PCDHGB3: variants seen among roughly 807,000 people sequenced by gnomAD.
PCDHGB3 encodes the protein protocadherin gamma-B3.
PCDHGB3 carries 40 observed loss-of-function variants against 59.2 expected under a neutral mutation model. That is an observed-to-expected ratio of 0.68 (90% confidence interval 0.52 to 0.88). The LOEUF (loss-of-function observed/expected upper bound fraction) is 0.88, where lower values mean the gene tolerates loss of function less well. PCDHGB3 is among the 40% of genes least tolerant of loss of function. The pLI is 0.00. For synonymous variants in PCDHGB3, 581 were observed against 503.6 expected, an observed-to-expected ratio of 1.15 and a Z score of -2.06; for missense variants, 1,309 against 1,187.9, an observed-to-expected ratio of 1.10 and a Z score of -1.50.
chr5:141,486,421 G>A lies in PCDHGB3; in HGVS notation c.2416-8386G>A, dbSNP rs772631503. ...TGACTGCTGGACCCTTGGATCGAGA[G>A]GCCAAATCTAGCTATGACATCATGG... On this transcript the variant is annotated intron_variant, in intron 1 of 3. Coordinates refer to ENST00000576222, the MANE Select transcript of PCDHGB3 (RefSeq NM_018924.5). This position sits in a 1 kb window ranked among gnomAD's most constrained non-coding sequence, Gnocchi z 5.0. 2.5e-6 allele frequency: 4 copies of A among 1,614,152 alleles called. No homozygotes were observed. In the East Asian group the frequency reaches 6.7e-5, roughly 27 times the overall value.
At chr5:141,427,450 CT>C in intron 1 of PCDHGB3, 1 of 486,442 alleles carries the variant, frequency 2.1e-6, no homozygotes, top group South Asian at 1.5e-5. Flanking sequence ...GAAAGAGTTC[CT>C]TTTAGAATCG....
intron 1 of PCDHGB3, chr5:141,413,787 A>G (rs2095678061): frequency 6.2e-7 from 1 of 1,613,170 alleles, no homozygotes; most frequent in African/African-American, 1.3e-5. Flanking sequence ...AGCACTCCCT[A>G]GATCGCGAGG....
Position 141,394,128 on chromosome 5 carries a change from G to A in PCDHGB3, c.2415+21319G>A, listed in dbSNP as rs371610257. 2.0e-5 allele frequency: 32 copies of A among 1,613,612 alleles called. No homozygotes were observed. The highest frequency in any genetic ancestry group is 4.0e-5 in the African/African-American group (3 of 74,844). ...ACCTCTGTCCACTGAAACTCAAATC[G>A]CTCTGCACGTGGCAGACATTAACGA... On this transcript the variant is annotated intron_variant, in intron 1 of 3. Transcript: ENST00000576222.
Position 141,485,950 on chromosome 5 carries a change from G to A in PCDHGB3, c.2416-8857G>A. ...TGTTGGAGAGCGCACCAGCGGGCAT[G>A]GTGCTCATCCAGCTCAATGCCTCAG... On this transcript the variant is annotated intron_variant, in intron 1 of 3. Transcript: ENST00000576222. The surrounding 1 kb of genome is among the most constrained non-coding windows in gnomAD (Gnocchi z 5.7). 6.2e-7 allele frequency: 1 copy of A among 1,614,184 alleles called. No individual in the cohort carries two copies. The highest frequency in any genetic ancestry group is 8.5e-7 in the Non-Finnish European group (1 of 1,180,030).
intron 2 of PCDHGB3, among the ~76,000 whole-genome samples, chr5:141,502,472 A>G (rs1450967250): frequency 1.3e-5 from 2 of 150,886 alleles, no homozygotes; most frequent in Non-Finnish European, 2.9e-5. Flanking sequence ...TACTTCCCGC[A>G]GCATCACACT....
At chr5:141,390,352 A>C (rs1340044054) in intron 1 of PCDHGB3, 1 of 1,557,524 alleles carries the variant, frequency 6.4e-7, no homozygotes, top group African/African-American at 1.4e-5. Context: ...GAAAATATAC[A>C]TATTTGCAGG....
rs527641698 is a variant in PCDHGB3 at position 141,410,317 on chromosome 5, C to G, written c.2415+37508C>G. The G allele has an allele frequency of 2.5e-6, 4 of 1,613,892 alleles. No homozygotes were observed. In the East Asian group the frequency reaches 6.7e-5, roughly 27 times the overall value. ...CCTTAATCTCAGTGCTCTTCCTCCT[C>G]GCCGTGATTCTGGCCATTGCCTTGC... On this transcript the variant is annotated intron_variant, in intron 1 of 3. Transcript: ENST00000576222.
intron 1 of PCDHGB3, chr5:141,390,281 G>A (rs995951705): frequency 1.9e-6 from 3 of 1,613,968 alleles, no homozygotes; most frequent in Middle Eastern, 1.6e-4. Context: ...CTTCCCATCA[G>A]GTGAGTTTCC....
rs766164142 is a variant in PCDHGB3, at chr5:141,477,910, G to T, written c.2416-16897G>T. ...TGTCACGGGTGGTAGGCTGGGACGC[G>T]GATGCAGGGCACAATGCCTGGCTCT... On this transcript the variant is annotated intron_variant, in intron 1 of 3. Transcript: ENST00000576222. This position sits in a 1 kb window ranked among gnomAD's most constrained non-coding sequence, Gnocchi z 4.9. The T allele has an allele frequency of 6.2e-7, 1 of 1,614,048 alleles. No individual in the cohort carries two copies. Among genetic ancestry groups the T allele is most frequent in the African/African-American group, 1.3e-5 (1 of 74,932 alleles).
At chr5:141,480,956 C>G (rs2099528870) in intron 1 of PCDHGB3, among the ~76,000 whole-genome samples, 1 of 152,064 alleles carries the variant, frequency 6.6e-6, no homozygotes, top group South Asian at 2.1e-4. Flanking sequence ...GAGGCGGAAG[C>G]ATCAGTGAGG....
At chr5:141,393,299 G>T (rs768038476) in intron 1 of PCDHGB3, 8 of 1,613,780 alleles carry the variant, frequency 5.0e-6, no homozygotes, top group Middle Eastern at 1.6e-4. Context: ...ACCCGGATGT[G>T]GGCGTGAACT....
intron 1 of PCDHGB3, chr5:141,421,219 G>T (rs894586889): frequency 1.0e-5 from 16 of 1,573,208 alleles, no homozygotes; most frequent in Non-Finnish European, 1.3e-5. Context: ...TATCGGCTTA[G>T]AGCCTGCCAT....
chr5:141,464,079 A>G (rs996899520), intron 1 of PCDHGB3, among the ~76,000 whole-genome samples: 3 of 152,124 alleles, frequency 2.0e-5, no homozygotes, highest in Non-Finnish European at 4.4e-5. Flanking sequence ...AGCCTGGCCA[A>G]CATGGTGAAA....
intron 1 of PCDHGB3, among the ~76,000 whole-genome samples, chr5:141,457,067 G>A (rs946526462): frequency 1.3e-5 from 2 of 152,166 alleles, no homozygotes; most frequent in Non-Finnish European, 2.9e-5. Flanking sequence ...CTTTTTGCCA[G>A]TAACTATTAT....
chr5:141,403,832 C>T (rs374600582), intron 1 of PCDHGB3: 1 of 1,613,684 alleles, frequency 6.2e-7, no homozygotes, highest in Non-Finnish European at 8.5e-7. Context: ...GCTATTCCAG[C>T]TTAATGAAAA....
rs761853399 is a variant in PCDHGB3, at chr5:141,389,296, A to G, written c.2415+16487A>G. On this transcript the variant is annotated intron_variant, in intron 1 of 3. Transcript: ENST00000576222. ...AACCCGCCTGGAGCCTCTATTTCAC[A>G]AGTCAGGGCTTCTGATCCGGACTTG... is the stretch of plus-strand genomic sequence containing the variant. The G allele has an allele frequency of 3.7e-6, 6 of 1,613,988 alleles. No individual in the cohort carries two copies. The South Asian group carries it at 6.6e-5, about 18-fold the overall frequency.
In PCDHGB3 at chr5:141,372,122, T is replaced by C; in HGVS notation, c.1728T>C (p.Asp576=). 6.2e-7 allele frequency: 1 copy of C among 1,613,748 alleles called. No homozygotes were observed. Among genetic ancestry groups the C allele is most frequent in the Non-Finnish European group, 8.5e-7 (1 of 1,179,926 alleles). The change falls in exon 1 of 4, where the codon GAT becomes GAC. Residue 576 remains aspartate, a synonymous_variant. Transcript: ENST00000576222. ...GGCCCGAAGGCTCTGCGCTCTTCGA[T>C]ATGGTGCCGCGCTCTGCAGAGCCTG... ...ALGPEGSALF[D]MVPRSAEPGY...
chr5:141,395,750 G>C (rs1308444906), intron 1 of PCDHGB3: 3 of 152,888 alleles, frequency 2.0e-5, no homozygotes, highest in African/African-American at 7.3e-5. Flanking sequence ...TCTTTTCTGA[G>C]CCCTGTTTCT....
chr5:141,500,184 T>TTTTA (rs58019021), intron 2 of PCDHGB3, among the ~76,000 whole-genome samples: 28,743 of 135,782 alleles, frequency 0.21, 3,285 homozygotes, highest in African/African-American at 0.3. Context: ...TCATTTTTAT[T>TTTTA]TTTATTTATT....
Sources: gnomAD v4.1 joint callset for allele counts (sites outside exome capture counted in the v4.1 genomes callset) on GRCh38, gnomAD v4.1.1 for gene constraint, Gnocchi (gnomAD v3.1) non-coding constraint, MANE v1.5 for transcripts, NCBI Gene and HGNC (gene_info 2026-07-23, HGNC 2026-07-21) for gene names.